Variants in PAPPA observed in about 807,000 individuals in gnomAD.
PAPPA encodes the protein pappalysin-1.
Under a neutral mutation model 164.0 loss-of-function variants are expected in PAPPA, and 60 were observed. The observed-to-expected ratio is 0.37, with a 90% CI of 0.30 to 0.45. The LOEUF is 0.45. PAPPA is among the 20% of genes least tolerant of loss of function. PAPPA has a pLI of 1.00. For synonymous variants in PAPPA, 875 were observed against 814.1 expected, an observed-to-expected ratio of 1.07 and a Z score of -1.27; for missense variants, 1,782 against 2,087.3, an observed-to-expected ratio of 0.85 and a Z score of 2.85.
chr9:116,157,123 G>A, intron 1 of PAPPA, among the ~76,000 whole-genome samples: 1 of 152,338 alleles, frequency 6.6e-6, no homozygotes, highest in Middle Eastern at 3.4e-3. Context: ...ACTCTTTGCT[G>A]CAGGATTCAA....
chr9:116,267,989 A>G (rs1189232473), intron 8 of PAPPA, among the ~76,000 whole-genome samples: 2 of 151,916 alleles, frequency 1.3e-5, no homozygotes, highest in Non-Finnish European at 2.9e-5. Context: ...TGAAGCAGGA[A>G]CATAGCAGGA....
chr9:116,162,502 C>T (rs146021045), intron 1 of PAPPA, among the ~76,000 whole-genome samples: 278 of 152,304 alleles, frequency 1.8e-3, no homozygotes, highest in African/African-American at 6.5e-3. Flanking sequence ...TGGTTGATCA[C>T]AGGACTCAGG....
At chr9:116,344,057 C>T (rs1013404591) in intron 13 of PAPPA, among the ~76,000 whole-genome samples, 41 of 152,144 alleles carry the variant, frequency 2.7e-4, no homozygotes, top group African/African-American at 7.0e-4. Context: ...TGAGCCACCG[C>T]GCCCAGCCCA....
intron 10 of PAPPA, among the ~76,000 whole-genome samples, chr9:116,312,288 C>CTTTTTTTTTTTTTTT (rs5900201): frequency 4.7e-3 from 615 of 129,488 alleles, no homozygotes; most frequent in Non-Finnish European, 6.7e-3. Context: ...TTCTTTCTTT[C>CTTTTTTTTTTTTTTT]TTTTTTTTTT....
At position 116,187,799 on chromosome 9, in the gene PAPPA, G is replaced by A. The variant is rs758581360; in HGVS notation, c.1061G>A (p.Arg354His). The A allele has an allele frequency of 4.3e-6, 7 of 1,614,238 alleles. No individual in the cohort carries two copies. The highest frequency in any genetic ancestry group is 1.6e-4 in the Middle Eastern group (1 of 6,062). ...LSSFRQPKVV[R>H]YRVVNLYEDD... ...AGTTTCCGCCAGCCCAAGGTGGTGC[G>A]CTACCGCGTGGTCAACCTCTATGAA... The change falls in exon 2 of 22, where the codon CGC becomes CAC. Residue 354 changes from arginine to histidine, a missense_variant. Arg to His is a conservative substitution (Grantham distance 29, BLOSUM62 0). Coordinates refer to ENST00000328252, the MANE Select transcript of PAPPA (RefSeq NM_002581.5). The surrounding 1 kb of genome is among the most constrained non-coding windows in gnomAD (Gnocchi z 4.2).
At position 116,154,923 on chromosome 9, in the gene PAPPA, G is replaced by A. The variant is rs1205305198; in HGVS notation, c.415+336G>A. ...ATGGTCAGATGCACTCTCTCCTTTTGGGATGAAAGGGAGGATGACCCAATT... is the reference window on the plus strand; with the variant it reads ...ATGGTCAGATGCACTCTCTCCTTTTAGGATGAAAGGGAGGATGACCCAATT... On this transcript the variant is annotated intron_variant, in intron 1 of 21. Coordinates refer to ENST00000328252, the MANE Select transcript of PAPPA (RefSeq NM_002581.5). The surrounding 1 kb of genome is among the most constrained non-coding windows in gnomAD (Gnocchi z 5.2). 6.6e-6 allele frequency among the ~76,000 whole-genome samples: 1 copy of A among 152,236 alleles called. No homozygotes were observed. Among genetic ancestry groups the A allele is most frequent in the African/African-American group, 2.4e-5 (1 of 41,472 alleles).
chr9:116,235,268 T>A lies in PAPPA; in HGVS notation c.2363T>A (p.Leu788His). The change falls in exon 7 of 22, where the codon CTC becomes CAC. Residue 788 changes from leucine to histidine, a missense_variant. Leu to His is a moderately conservative substitution (Grantham distance 99, BLOSUM62 -3). This residue lies in a region of PAPPA where 1,324 missense variants were observed against 1,656.9 expected (regional missense o/e 0.80). Transcript: ENST00000328252. The stretch of plus-strand genomic sequence containing the variant: ...GGCTGCTACCTCGAGCTGGAGTTCC[T>A]CTACCCCTTGGTCCCTGAGTCTCTG... ...PQGCYLELEF[L>H]YPLVPESLTI... 6.2e-7 allele frequency: 1 copy of A among 1,614,164 alleles called. No individual in the cohort carries two copies. Among genetic ancestry groups the A allele is most frequent in the Non-Finnish European group, 8.5e-7 (1 of 1,180,024 alleles).
chr9:116,155,668 G>A (rs1843593326), intron 1 of PAPPA, among the ~76,000 whole-genome samples: 1 of 152,164 alleles, frequency 6.6e-6, no homozygotes, highest in Admixed American at 6.5e-5. Context: ...TCTTAGAAGG[G>A]AAAGCTGTGA....
intron 1 of PAPPA, among the ~76,000 whole-genome samples, chr9:116,167,330 C>T (rs969842100): frequency 1.3e-5 from 2 of 152,096 alleles, no homozygotes; most frequent in African/African-American, 4.8e-5. Context: ...AATGTTAATG[C>T]TATACAAATA....
intron 15 of PAPPA, among the ~76,000 whole-genome samples, chr9:116,348,609 C>T (rs1425368211): frequency 2.6e-5 from 4 of 152,038 alleles, no homozygotes; most frequent in Non-Finnish European, 1.5e-5. Flanking sequence ...ATGAAGCCTG[C>T]CTTAATACCC....
intron 7 of PAPPA, among the ~76,000 whole-genome samples, chr9:116,255,157 G>A (rs919725180): frequency 2.6e-4 from 39 of 151,982 alleles, no homozygotes; most frequent in Admixed American, 5.2e-4. Context: ...AATAGTTTTT[G>A]TGGTCTGTAT....
At chr9:116,231,673 GGA>G (rs1264911696) in intron 6 of PAPPA, among the ~76,000 whole-genome samples, 13 of 32,080 alleles carry the variant, frequency 4.1e-4, no homozygotes, top group Non-Finnish European at 6.4e-4. Flanking sequence ...ATGGATGGAT[GGA>G]TGGATGGATG....
chr9:116,261,257 A>G (rs2118802800), intron 7 of PAPPA, among the ~76,000 whole-genome samples: 1 of 152,352 alleles, frequency 6.6e-6, no homozygotes, highest in African/African-American at 2.4e-5. Context: ...AATATAACAC[A>G]GTTTAGTTAT....
At chr9:116,353,026 A>G (rs1204392552) in intron 16 of PAPPA, 110 bp downstream of exon 16, 2 of 776,848 alleles carry the variant, frequency 2.6e-6, no homozygotes, top group Non-Finnish European at 4.5e-6. Context: ...AATGACTGCC[A>G]TTCATCCCAT....
chr9:116,340,290 G>A (rs1353708376), intron 13 of PAPPA, among the ~76,000 whole-genome samples: 3 of 152,254 alleles, frequency 2.0e-5, no homozygotes, highest in East Asian at 3.9e-4. Flanking sequence ...AGAGTTATTT[G>A]AGACGGTCAG....
intron 18 of PAPPA, among the ~76,000 whole-genome samples, chr9:116,364,835 C>G (rs927715818): frequency 9.9e-5 from 15 of 152,146 alleles, no homozygotes; most frequent in African/African-American, 2.7e-4. Flanking sequence ...GGAAAGAAAT[C>G]TATATGATAT....
intron 21 of PAPPA, among the ~76,000 whole-genome samples, chr9:116,393,543 G>C (rs1344786854): frequency 6.6e-6 from 1 of 152,174 alleles, no homozygotes; most frequent in African/African-American, 2.4e-5. Context: ...AGTATCAGAA[G>C]GGTGCAAAAA....
At chr9:116,226,329 A>G (rs1844509323) in intron 5 of PAPPA, among the ~76,000 whole-genome samples, 1 of 152,194 alleles carries the variant, frequency 6.6e-6, no homozygotes, top group South Asian at 2.1e-4. Flanking sequence ...GCACACTCTG[A>G]TGCTCACAAG....
At chr9:116,387,379 A>ATGT (rs541815049) in intron 21 of PAPPA, among the ~76,000 whole-genome samples, 1 of 152,052 alleles carries the variant, frequency 6.6e-6, no homozygotes, top group African/African-American at 2.4e-5. Flanking sequence ...CCTGTTGTAG[A>ATGT]TGTTGTTCTT....
Sources: gnomAD v4.1 joint callset for allele counts (sites outside exome capture counted in the v4.1 genomes callset) on GRCh38, gnomAD v4.1.1 for gene constraint, gnomAD v4.1.1 regional missense constraint, Gnocchi (gnomAD v3.1) non-coding constraint, MANE v1.5 for transcripts, NCBI Gene and HGNC (gene_info 2026-07-23, HGNC 2026-07-21) for gene names.